The following HIVEP3 variants were observed in gnomAD, a reference collection of about 807,000 sequenced individuals.
The protein encoded by HIVEP3 is transcription factor HIVEP3.
Under a neutral mutation model 152.8 loss-of-function variants are expected in HIVEP3, and 49 were observed. That is an observed-to-expected ratio of 0.32 (90% confidence interval 0.26 to 0.41). The LOEUF (loss-of-function observed/expected upper bound fraction) is 0.41. Among genes scored for constraint, HIVEP3 ranks in the 10% least tolerant of loss-of-function variants. HIVEP3 has a pLI of 1.00. For missense variants in HIVEP3, 2,790 were observed against 3,103.3 expected (o/e 0.90, Z 2.40); for synonymous variants, 1,269 against 1,289.0 (o/e 0.98, Z 0.33).
At chr1:41,807,433 CAGAG>C (rs1182080812) in intron 1 of HIVEP3, among the ~76,000 whole-genome samples, 1 of 152,210 alleles carries the variant, frequency 6.6e-6, no homozygotes, top group East Asian at 1.9e-4. Context: ...CTGCCAGGTA[CAGAG>C]AGAGAGACAG....
intron 4 of HIVEP3, among the ~76,000 whole-genome samples, chr1:41,576,953 G>C (rs370356829): frequency 6.6e-6 from 1 of 152,226 alleles, no homozygotes; most frequent in South Asian, 2.1e-4. Context: ...GCAGAAGGCA[G>C]CTAGTTTTCT....
intron 1 of HIVEP3, among the ~76,000 whole-genome samples, chr1:42,034,102 T>C (rs573452147): frequency 3.3e-4 from 51 of 152,358 alleles, no homozygotes; most frequent in African/African-American, 1.1e-3. Context: ...CCAAATCTTG[T>C]TAGCTCTGAA....
In HIVEP3 at chr1:41,690,544, G is replaced by A. The variant is rs1379910313; in HGVS notation, c.-721+10372C>T. On this transcript the variant is annotated intron_variant, in intron 2 of 8. Transcript: ENST00000372583. ...AGACCGGAAGTGCCTTGGGCCAGGA[G>A]CCTGGTCAGATCCTCCTGAGCATCT... Among the ~76,000 whole-genome samples, 4 of 152,212 alleles carry A rather than the reference G, an allele frequency of 2.6e-5. No individual in the cohort carries two copies. The East Asian group carries it at 7.7e-4, about 29-fold the overall frequency.
intron 5 of HIVEP3, among the ~76,000 whole-genome samples, chr1:41,549,688 G>A (rs1183962901): frequency 6.6e-6 from 1 of 152,188 alleles, no homozygotes; most frequent in Non-Finnish European, 1.5e-5. Flanking sequence ...AGAAGTGTCT[G>A]TTCATATTGT....
At chr1:41,624,164 T>C (rs969774678) in intron 3 of HIVEP3, among the ~76,000 whole-genome samples, 1 of 151,762 alleles carries the variant, frequency 6.6e-6, no homozygotes, top group Non-Finnish European at 1.5e-5. Flanking sequence ...CCTCCCCATC[T>C]CTCCTCCTTC....
chr1:41,778,068 A>G (rs1243983878), intron 1 of HIVEP3, among the ~76,000 whole-genome samples: 1 of 152,136 alleles, frequency 6.6e-6, no homozygotes, highest in African/African-American at 2.4e-5. Context: ...GTTCTGGTAA[A>G]CACAGCAAAG....
chr1:41,978,320 C>T (rs761832770), intron 1 of HIVEP3, among the ~76,000 whole-genome samples: 1 of 152,090 alleles, frequency 6.6e-6, no homozygotes, highest in Non-Finnish European at 1.5e-5. Context: ...ATGTTGAAGC[C>T]CTAAGCCCCG....
chr1:41,855,296 T>C (rs1380888706), intron 1 of HIVEP3, among the ~76,000 whole-genome samples: 1 of 151,488 alleles, frequency 6.6e-6, no homozygotes, highest in Non-Finnish European at 1.5e-5. Flanking sequence ...CATTTCTTCA[T>C]GTGTTTTTTG....
chr1:41,919,074 T>A (rs568562703), upstream of HIVEP3, among the ~76,000 whole-genome samples: 1 of 152,206 alleles, frequency 6.6e-6, no homozygotes, highest in South Asian at 2.1e-4. Flanking sequence ...TGGTGCTTTT[T>A]AAAAAACAAC....
intron 5 of HIVEP3, among the ~76,000 whole-genome samples, chr1:41,528,759 ACACT>A (rs1222719194): frequency 4.2e-5 from 4 of 96,342 alleles, no homozygotes; most frequent in African/African-American, 1.7e-4. Context: ...CTCCATCCTC[ACACT>A]CACCTTCACA....
intron 2 of HIVEP3, among the ~76,000 whole-genome samples, chr1:41,661,254 T>C (rs1432625372): frequency 6.6e-6 from 1 of 152,194 alleles, no homozygotes; most frequent in Non-Finnish European, 1.5e-5. Context: ...GAAACATCAA[T>C]CAATACATTA....
chr1:41,878,038 G>A (rs77792986), intron 1 of HIVEP3, among the ~76,000 whole-genome samples: 2,315 of 152,212 alleles, frequency 0.015, 70 homozygotes, highest in African/African-American at 0.053. Context: ...CACTATTCCT[G>A]CATATGAGAT....
intron 1 of HIVEP3, among the ~76,000 whole-genome samples, chr1:41,802,187 A>G (rs535971742): frequency 5.1e-4 from 77 of 152,204 alleles, no homozygotes; most frequent in Non-Finnish European, 8.7e-4. Context: ...AGACTCAGCT[A>G]CTACCTAGCT....
At chr1:41,752,052 C>G (rs1217683750) in intron 1 of HIVEP3, among the ~76,000 whole-genome samples, 1 of 152,210 alleles carries the variant, frequency 6.6e-6, no homozygotes, top group Non-Finnish European at 1.5e-5. Context: ...CCTATGTCAT[C>G]ACTCAGGGGT....
intron 5 of HIVEP3, among the ~76,000 whole-genome samples, chr1:41,572,669 C>A (rs766005617): frequency 6.6e-6 from 1 of 152,208 alleles, no homozygotes; most frequent in African/African-American, 2.4e-5. Flanking sequence ...ATCCTCCTCC[C>A]TGATGAATTA....
At chr1:41,654,568 T>C (rs1414975842) in intron 2 of HIVEP3, among the ~76,000 whole-genome samples, 1 of 152,214 alleles carries the variant, frequency 6.6e-6, no homozygotes, top group African/African-American at 2.4e-5. Context: ...CATGTGAACA[T>C]CTTACATAAC....
chr1:41,643,786 C>T (rs778220989), intron 2 of HIVEP3, among the ~76,000 whole-genome samples: 11 of 152,012 alleles, frequency 7.2e-5, no homozygotes, highest in South Asian at 2.1e-4. Context: ...AAGTGAAGGG[C>T]GTTCCACCTC....
chr1:41,769,628 A>G (rs1202499228), intron 1 of HIVEP3, among the ~76,000 whole-genome samples: 1 of 152,218 alleles, frequency 6.6e-6, no homozygotes, highest in African/African-American at 2.4e-5. Context: ...AAAGGAAGGA[A>G]GTAAAAAGGA....
chr1:41,925,784 A>C (rs1277677569), intron 1 of HIVEP3, among the ~76,000 whole-genome samples: 1 of 152,214 alleles, frequency 6.6e-6, no homozygotes, highest in Non-Finnish European at 1.5e-5. Context: ...GTAAGGCTGC[A>C]AATGTTTCTG....
Sources: allele counts gnomAD v4.1 joint callset (sites outside exome capture counted in the v4.1 genomes callset), GRCh38; gene constraint gnomAD v4.1.1; transcripts MANE v1.5; gene names NCBI Gene and HGNC (gene_info 2026-07-23, HGNC 2026-07-21).